The following SLC35B4 variants were observed in gnomAD, a reference collection of about 807,000 sequenced individuals.
SLC35B4 encodes solute carrier family 35 member B4.
Under a neutral mutation model 39.5 loss-of-function variants are expected in SLC35B4, and 28 were observed. The ratio of observed to expected loss-of-function variants is 0.71; its 90% CI spans 0.53 to 0.97. The LOEUF is 0.97. Ranked by LOEUF, SLC35B4 falls within the 50% of genes least tolerant of loss-of-function variation. SLC35B4 has a pLI of 0.00. For synonymous variants in SLC35B4, 145 were observed against 150.4 expected (o/e 0.96, Z 0.26); for missense variants, 334 against 414.3 (o/e 0.81, Z 1.68).
intron 1 of SLC35B4, among the ~76,000 whole-genome samples, chr7:134,311,080 A>C (rs2544224): frequency 6.6e-6 from 1 of 151,704 alleles, no homozygotes; most frequent in South Asian, 2.1e-4. Context: ...ACTAACTGAA[A>C]CAGAAATGTT....
Position 134,306,794 on chromosome 7 carries a change from G to A in SLC35B4, c.192-20C>T. On this transcript the variant is annotated intron_variant, in intron 2 of 9. Coordinates refer to ENST00000378509, the MANE Select transcript of SLC35B4 (RefSeq NM_032826.5). ...TAGTACCTGAAATGCAGACAGAACA[G>A]CTCATCAAACAGAATCTAGGATTTC... The A allele has an allele frequency of 6.4e-7, 1 of 1,568,132 alleles. No individual in the cohort carries two copies. The highest frequency in any genetic ancestry group is 8.7e-7 in the Non-Finnish European group (1 of 1,143,818).
At chr7:134,300,742 T>C (rs1235402762) in intron 6 of SLC35B4, among the ~76,000 whole-genome samples, 1 of 152,188 alleles carries the variant, frequency 6.6e-6, no homozygotes, top group African/African-American at 2.4e-5. Flanking sequence ...AATTACTGAG[T>C]CAAAGGCTGT....
chr7:134,300,626 G>A (rs1015983966), intron 6 of SLC35B4, among the ~76,000 whole-genome samples: 1 of 152,120 alleles, frequency 6.6e-6, no homozygotes, highest in African/African-American at 2.4e-5. Flanking sequence ...TTAAATGTAT[G>A]AGGATGGTTA....
chr7:134,312,541 C>T (rs942111983), intron 1 of SLC35B4, among the ~76,000 whole-genome samples: 4 of 152,112 alleles, frequency 2.6e-5, no homozygotes, highest in African/African-American at 9.7e-5. Flanking sequence ...TACCTTTCTG[C>T]TCTCACTTTC....
chr7:134,300,584 C>A (rs1047784836), intron 6 of SLC35B4, among the ~76,000 whole-genome samples: 17 of 152,202 alleles, frequency 1.1e-4, no homozygotes, highest in African/African-American at 4.1e-4. Flanking sequence ...AAATAGAATG[C>A]TTTTAATGAC....
Position 134,306,669 on chromosome 7 carries a change from T to TA in SLC35B4, c.294+2dup. ...CATATACACGTGATCCGGCAGCACT[T>TA]ACGGATCTAAATATCATATGCAGGG... On this transcript the variant is annotated splice_region_variant and intron_variant, in intron 3 of 9. Transcript: ENST00000378509. The TA allele has an allele frequency of 1.2e-6, 2 of 1,610,514 alleles. No individual in the cohort carries two copies. The highest frequency in any genetic ancestry group is 1.7e-6 in the Non-Finnish European group (2 of 1,177,006).
chr7:134,317,780 T>G (rs1450613824), upstream of SLC35B4, among the ~76,000 whole-genome samples: 2 of 152,260 alleles, frequency 1.3e-5, no homozygotes, highest in Non-Finnish European at 2.9e-5. Context: ...GTTAAGCACA[T>G]ATTACGTACA....
chr7:134,313,296 G>A (rs758415669), intron 1 of SLC35B4, among the ~76,000 whole-genome samples: 78 of 152,262 alleles, frequency 5.1e-4, no homozygotes, highest in African/African-American at 1.6e-3. Flanking sequence ...ATTTAAAAAA[G>A]AATGCAACTT....
chr7:134,302,588 G>A (rs761290538), intron 4 of SLC35B4, among the ~76,000 whole-genome samples: 4 of 152,102 alleles, frequency 2.6e-5, no homozygotes, highest in Middle Eastern at 3.2e-3. Flanking sequence ...CTCTGGGGGA[G>A]GCTTGTTTTT....
In SLC35B4 at chr7:134,291,853, A is replaced by T. The variant is rs904132794; in HGVS notation, c.*2980T>A. ...GATAACATGTTTCTAATATGACAAT[A>T]GAGTTTTGGCCAAAGATATGTAGAC... On this transcript the variant is annotated 3_prime_UTR_variant, in exon 10 of 10. Transcript: ENST00000378509. The T allele has an allele frequency of 6.6e-6, 1 of 152,278 alleles. No homozygotes were observed. The highest frequency in any genetic ancestry group is 1.5e-5 in the Non-Finnish European group (1 of 68,044). 9.4% of individuals were successfully genotyped at this position (152,278 alleles called of 1,614,324 possible).
At chr7:134,315,568 CA>C (rs1803952421) in intron 1 of SLC35B4, among the ~76,000 whole-genome samples, 1 of 147,814 alleles carries the variant, frequency 6.8e-6, no homozygotes, top group Non-Finnish European at 1.5e-5. Context: ...ATAAGAAACA[CA>C]AATGAGTTTG....
At chr7:134,306,586 A>C in intron 3 of SLC35B4, 86 bp downstream of exon 3, 1 of 1,102,946 alleles carries the variant, frequency 9.1e-7, no homozygotes, top group Non-Finnish European at 1.3e-6. Context: ...TTACTACAAG[A>C]ACCTTCTAGT....
At chr7:134,297,196 C>T (rs537552477) in intron 8 of SLC35B4, among the ~76,000 whole-genome samples, 5 of 152,244 alleles carry the variant, frequency 3.3e-5, no homozygotes, top group Non-Finnish European at 7.3e-5. Flanking sequence ...GCTGGGACTA[C>T]AGGCTTGAGC....
At chr7:134,308,175 G>A (rs1803753134) in intron 2 of SLC35B4, among the ~76,000 whole-genome samples, 1 of 152,198 alleles carries the variant, frequency 6.6e-6, no homozygotes, top group South Asian at 2.1e-4. Context: ...GCAGGATGGG[G>A]AGTCTGGACA....
chr7:134,306,804 C>G, intron 2 of SLC35B4, 30 bp from the exon 3 acceptor site: 2 of 1,546,828 alleles, frequency 1.3e-6, no homozygotes, highest in Non-Finnish European at 1.8e-6. Flanking sequence ...GCTCATCAAA[C>G]AGAATCTAGG....
intron 1 of SLC35B4, among the ~76,000 whole-genome samples, chr7:134,310,550 T>A (rs1803810399): frequency 6.6e-6 from 1 of 151,182 alleles, no homozygotes; most frequent in Non-Finnish European, 1.5e-5. Flanking sequence ...TTTCATCTTT[T>A]TTTTTTTTTT....
At chr7:134,307,338 TAA>T (rs33975579) in intron 2 of SLC35B4, among the ~76,000 whole-genome samples, 71,947 of 141,638 alleles carry the variant, frequency 0.51, 17,512 homozygotes, top group Admixed American at 0.57. Context: ...AAACAAAAAC[TAA>T]AAAAAAAAAA....
rs1405717255 is a variant in SLC35B4 at position 134,300,161 on chromosome 7, C to T, written c.588G>A (p.Leu196=). The change falls in exon 7 of 10, where the codon TTG becomes TTA. Residue 196 remains leucine, a synonymous_variant. Coordinates refer to ENST00000378509, the MANE Select transcript of SLC35B4 (RefSeq NM_032826.5). The stretch of plus-strand genomic sequence containing the variant: ...TCAGGAAGTTGCTTACATTATAAAA[C>T]AAAGCCTCCTTGGAGTGTTTCCCAA... ...KRFGKHSKEA[L]FYNHALPLPG... The T allele has an allele frequency of 1.9e-6, 3 of 1,604,032 alleles. No homozygotes were observed. The highest frequency in any genetic ancestry group is 1.3e-5 in the African/African-American group (1 of 74,502).
At chr7:134,304,649 C>A (rs1271203770) in intron 4 of SLC35B4, among the ~76,000 whole-genome samples, 156 bp downstream of exon 4, 2 of 152,028 alleles carry the variant, frequency 1.3e-5, no homozygotes, top group African/African-American at 4.8e-5. Context: ...CAGGACATTG[C>A]ATGATTGGGC....
Sources: allele counts gnomAD v4.1 joint callset (sites outside exome capture counted in the v4.1 genomes callset), GRCh38; gene constraint gnomAD v4.1.1; transcripts MANE v1.5; gene names NCBI Gene and HGNC (gene_info 2026-07-23, HGNC 2026-07-21).